The following FAM228B variants were observed in gnomAD, a reference collection of about 807,000 sequenced individuals.
FAM228B encodes the protein family with sequence similarity 228 member B.
In FAM228B, 38 loss-of-function variants were observed where a neutral mutation model predicts 42.6. That is an observed-to-expected ratio of 0.89 (90% CI 0.69 to 1.17). The LOEUF is 1.17. FAM228B is among the 50% of genes most tolerant of loss of function. The pLI, the probability that FAM228B is intolerant of heterozygous loss-of-function variation, is 0.00. For synonymous variants in FAM228B, 109 were observed against 122.3 expected (o/e 0.89, Z 0.72); for missense variants, 344 against 367.3 (o/e 0.94, Z 0.52).
At chr2:24,105,213 T>A (rs1294137892) in intron 3 of FAM228B, among the ~76,000 whole-genome samples, 2 of 152,222 alleles carry the variant, frequency 1.3e-5, no homozygotes, top group African/African-American at 4.8e-5. Context: ...AGACAGCAGA[T>A]TGGAGCTGAC....
intron 9 of FAM228B, among the ~76,000 whole-genome samples, chr2:24,164,777 C>G (rs115106000): frequency 6.6e-6 from 1 of 152,204 alleles, no homozygotes; most frequent in African/African-American, 2.4e-5. Context: ...AGGACCAATA[C>G]TAAATTCAAG....
intron 5 of FAM228B, among the ~76,000 whole-genome samples, chr2:24,145,931 C>T (rs1666884563): frequency 2.0e-5 from 3 of 152,086 alleles, no homozygotes; most frequent in South Asian, 4.1e-4. Context: ...CCTTGTCATC[C>T]GCCTGCCTCG....
chr2:24,123,166 C>G (rs1666178459), upstream of FAM228B: 1 of 152,518 alleles, frequency 6.6e-6, no homozygotes, highest in Non-Finnish European at 1.5e-5. Flanking sequence ...GTGGTTTGGT[C>G]CCCGAGCAGG....
chr2:24,081,853 G>A (rs776200573), intron 2 of FAM228B, among the ~76,000 whole-genome samples: 2 of 151,714 alleles, frequency 1.3e-5, no homozygotes, highest in African/African-American at 2.4e-5. Flanking sequence ...CCACCACCAC[G>A]CCCAGCTAAT....
chr2:24,114,066 CA>C (rs938001068), intron 3 of FAM228B, among the ~76,000 whole-genome samples: 14 of 152,296 alleles, frequency 9.2e-5, no homozygotes, highest in African/African-American at 2.4e-5. Context: ...GGCTATTATA[CA>C]GAGCTGAAAA....
At chr2:24,125,647 A>G (rs1315885210) in intron 2 of FAM228B, among the ~76,000 whole-genome samples, 2 of 150,320 alleles carry the variant, frequency 1.3e-5, no homozygotes, top group Non-Finnish European at 3.0e-5. Flanking sequence ...TGCAACCTCT[A>G]CCTCCCGGGT....
upstream of FAM228B, chr2:24,123,120 C>G (rs1215213466): frequency 6.6e-6 from 1 of 152,444 alleles, no homozygotes; most frequent in Non-Finnish European, 1.5e-5. Flanking sequence ...ATCAGGACCT[C>G]CGGCACAGGC....
At chr2:24,115,744 A>T in intron 3 of FAM228B, 1 of 927,124 alleles carries the variant, frequency 1.1e-6, no homozygotes, top group Admixed American at 2.2e-5. Flanking sequence ...TAGGTACTGG[A>T]GAAACAAGGG....
At chr2:24,111,897 G>A (rs1665802461) in intron 3 of FAM228B, among the ~76,000 whole-genome samples, 1 of 152,040 alleles carries the variant, frequency 6.6e-6, no homozygotes, top group Admixed American at 6.6e-5. Flanking sequence ...ACAAGCTATG[G>A]TGTAAAATTC....
intron 3 of FAM228B, among the ~76,000 whole-genome samples, chr2:24,111,445 A>G (rs1320097681): frequency 5.9e-5 from 9 of 152,154 alleles, no homozygotes; most frequent in Admixed American, 5.9e-4. Context: ...CTTGAGAGCC[A>G]TTCTTTGCAT....
At chr2:24,083,167 G>A in intron 2 of FAM228B, 1 of 1,585,118 alleles carries the variant, frequency 6.3e-7, no homozygotes, top group East Asian at 2.3e-5. Context: ...AGAGAAAGAA[G>A]TGCACTAAGT....
intron 1 of FAM228B, 122 bp from the exon 2 acceptor site, chr2:24,124,208 G>C: frequency 1.8e-6 from 1 of 565,208 alleles, no homozygotes; most frequent in Non-Finnish European, 3.1e-6. Flanking sequence ...CTCTTGTTAG[G>C]GAAACTGGAT....
At position 24,164,229 on chromosome 2, in the gene FAM228B, C is replaced by T. The variant is rs1048405089; in HGVS notation, c.826C>T (p.Pro276Ser). Residue 276 changes from proline to serine, a missense_variant, in exon 9 of 11, where the codon CCG becomes TCG. Physicochemically the swap from Pro to Ser is moderately conservative, Grantham distance 74. Coordinates refer to ENST00000615575, the MANE Select transcript of FAM228B (RefSeq NM_001145710.2). ...AGGGTCATCCTTTCTAGAAAGAGAA[C>T]CGCTGTGCTATCAGGAGGGAAATAA... ...NKGSSFLEREPLCYQEGNNPS... is the reference protein window; with the variant it reads ...NKGSSFLERESLCYQEGNNPS... The T allele has an allele frequency of 6.4e-7, 1 of 1,550,870 alleles. No homozygotes were observed. The highest frequency in any genetic ancestry group is 1.4e-5 in the African/African-American group (1 of 73,042).
intron 2 of FAM228B, chr2:24,081,066 C>G (rs754188822): frequency 6.3e-7 from 1 of 1,577,290 alleles, no homozygotes. Flanking sequence ...CTTTACTTTG[C>G]AACTGCTACA....
chr2:24,108,911 A>G (rs906815048), intron 3 of FAM228B, among the ~76,000 whole-genome samples: 2 of 151,846 alleles, frequency 1.3e-5, no homozygotes, highest in Non-Finnish European at 2.9e-5. Context: ...AAAAAAAAAA[A>G]AAAAAGAAAA....
intron 5 of FAM228B, chr2:24,142,758 A>G (rs1168637291): frequency 6.6e-6 from 1 of 152,276 alleles, no homozygotes; most frequent in African/African-American, 2.4e-5. Flanking sequence ...TGAGCTTTCA[A>G]GCAAAACATT....
intron 2 of FAM228B, among the ~76,000 whole-genome samples, chr2:24,094,666 G>T (rs551461237): frequency 1.3e-5 from 2 of 151,992 alleles, no homozygotes; most frequent in African/African-American, 4.8e-5. Flanking sequence ...TCTGTTTTTC[G>T]TAGAGACAGT....
intron 2 of FAM228B, among the ~76,000 whole-genome samples, chr2:24,127,870 C>A (rs563931198): frequency 6.6e-6 from 1 of 152,136 alleles, no homozygotes; most frequent in African/African-American, 2.4e-5. Flanking sequence ...ACCATGTTGG[C>A]CAAGCTGATC....
chr2:24,097,469 A>AG (rs1313546432), intron 3 of FAM228B: 1 of 151,490 alleles, frequency 6.6e-6, no homozygotes, highest in African/African-American at 2.4e-5. Context: ...AAAAAAAAAA[A>AG]AAGCAGGGGT....
Sources: allele counts gnomAD v4.1 joint callset (sites outside exome capture counted in the v4.1 genomes callset), GRCh38; gene constraint gnomAD v4.1.1; transcripts MANE v1.5; gene names NCBI Gene and HGNC (gene_info 2026-07-23, HGNC 2026-07-21).